HEATR4: variants seen among roughly 807,000 people sequenced by gnomAD.
The protein encoded by HEATR4 is HEAT repeat containing 4, also known as HEAT repeat-containing protein 4.
Under a neutral mutation model 108.8 loss-of-function variants are expected in HEATR4, and 95 were observed. The observed-to-expected ratio is 0.87, with a 90% confidence interval of 0.74 to 1.04. The LOEUF is 1.04. Among genes scored for constraint, HEATR4 ranks in the 50% least tolerant of loss-of-function variants. HEATR4 has a pLI of 0.00. For synonymous variants in HEATR4, 443 were observed against 459.4 expected, an observed-to-expected ratio of 0.96 and a Z score of 0.46; for missense variants, 1,152 against 1,253.8, an observed-to-expected ratio of 0.92 and a Z score of 1.23.
intron 1 of HEATR4, among the ~76,000 whole-genome samples, chr14:73,545,612 C>G (rs935968225): frequency 1.3e-5 from 1 of 74,996 alleles, no homozygotes; most frequent in Admixed American, 1.7e-4. Context: ...TTGCTCATAG[C>G]TGGCCTGGCC....
At chr14:73,617,221 A>C in the HEATR4 span, 8 of 1,614,090 alleles carry the variant, frequency 5.0e-6, no homozygotes, top group Non-Finnish European at 6.8e-6. Flanking sequence ...CTGAGTGCAG[A>C]AGAGAGGGGA....
the HEATR4 span, among the ~76,000 whole-genome samples, chr14:73,588,458 C>T: frequency 2.6e-5 from 4 of 152,208 alleles, no homozygotes; most frequent in African/African-American, 9.7e-5. Context: ...GCCTCTCCCC[C>T]TGCAGCTATG....
At chr14:73,505,507 G>A (rs557203559) in intron 10 of HEATR4, among the ~76,000 whole-genome samples, 3 of 151,392 alleles carry the variant, frequency 2.0e-5, no homozygotes, top group Non-Finnish European at 4.4e-5. Context: ...AGCAATTCTT[G>A]TGCCTCAGCC....
At chr14:73,578,580 C>G in the HEATR4 span, among the ~76,000 whole-genome samples, 5 of 151,932 alleles carry the variant, frequency 3.3e-5, no homozygotes, top group Admixed American at 2.6e-4. Context: ...TATTTTCAAC[C>G]CATGCAAGCT....
chr14:73,527,324 C>T (rs541672810), intron 2 of HEATR4: 3 of 151,458 alleles, frequency 2.0e-5, no homozygotes, highest in Non-Finnish European at 4.4e-5. Context: ...CACCAGTGAC[C>T]AATCCAGGAG....
chr14:73,560,046 A>C (rs1232540196), upstream of HEATR4, among the ~76,000 whole-genome samples: 1 of 151,970 alleles, frequency 6.6e-6, no homozygotes, highest in African/African-American at 2.4e-5. Flanking sequence ...TTACAAGGAG[A>C]CTCTTCAATC....
the HEATR4 span, among the ~76,000 whole-genome samples, chr14:73,568,835 G>T: frequency 6.6e-6 from 1 of 152,076 alleles, no homozygotes; most frequent in Non-Finnish European, 1.5e-5. Flanking sequence ...GTGGAGGATA[G>T]GCATATACAG....
the HEATR4 span, among the ~76,000 whole-genome samples, chr14:73,576,956 G>A: frequency 6.9e-6 from 1 of 144,102 alleles, no homozygotes. Context: ...TTTGAGAGAG[G>A]GTCTCACTCT....
At chr14:73,562,321 T>C (rs1373791911), upstream of HEATR4, among the ~76,000 whole-genome samples, 1 of 152,150 alleles carries the variant, frequency 6.6e-6, no homozygotes, top group African/African-American at 2.4e-5. Context: ...CTTATGCCTG[T>C]CTTTAATATC....
At chr14:73,523,455 G>A (rs1001323810) in intron 2 of HEATR4, among the ~76,000 whole-genome samples, 2 of 152,162 alleles carry the variant, frequency 1.3e-5, no homozygotes, top group Non-Finnish European at 2.9e-5. Flanking sequence ...CCTCATCTCC[G>A]TGTGAGGGAT....
rs751842684 is a variant in HEATR4 at position 73,508,176 on chromosome 14, C to T, written c.1839G>A (p.Glu613=). ...QLFTKKNEDT[E]EQSYILLSYL... is the part of the protein sequence containing the mutation. Reference sequence around the variant, plus strand: ...AGCTCAGGAGGATATAAGACTGTTCCTCAGTGTCCTCATTCTTCTTTGTAA... The same window carrying T: ...AGCTCAGGAGGATATAAGACTGTTCTTCAGTGTCCTCATTCTTCTTTGTAA... The change falls in exon 9 of 18, where the codon GAG becomes GAA. Residue 613 remains glutamate (E), a synonymous_variant. Coordinates refer to ENST00000553558, the MANE Select transcript of HEATR4 (RefSeq NM_001220484.1). The T allele has an allele frequency of 1.2e-6, 2 of 1,614,086 alleles. No individual in the cohort carries two copies. The highest frequency in any genetic ancestry group is 1.7e-6 in the Non-Finnish European group (2 of 1,179,956).
At chr14:73,580,685 G>A in the HEATR4 span, 2 of 152,098 alleles carry the variant, frequency 1.3e-5, no homozygotes, top group African/African-American at 2.4e-5. Flanking sequence ...GAGATATCTG[G>A]TCCATATCCA....
chr14:73,568,805 C>A, the HEATR4 span, among the ~76,000 whole-genome samples: 1 of 151,982 alleles, frequency 6.6e-6, no homozygotes, highest in Non-Finnish European at 1.5e-5. Flanking sequence ...GAAGCCAGCA[C>A]CCTTCGATGT....
the HEATR4 span, chr14:73,592,175 C>T: frequency 1.2e-6 from 2 of 1,605,202 alleles, no homozygotes; most frequent in Non-Finnish European, 1.7e-6. Context: ...GCGGCAGCTT[C>T]GCGGGACTCG....
the HEATR4 span, chr14:73,596,374 T>C: frequency 1.3e-5 from 2 of 152,140 alleles, no homozygotes; most frequent in East Asian, 3.9e-4. Flanking sequence ...TACACACCTG[T>C]AGTCCCAGCT....
At chr14:73,590,396 C>T in the HEATR4 span, among the ~76,000 whole-genome samples, 1 of 152,262 alleles carries the variant, frequency 6.6e-6, no homozygotes, top group Non-Finnish European at 1.5e-5. Context: ...CCACCAGACT[C>T]AGGAGTCCAG....
intron 10 of HEATR4, 60 bp downstream of exon 10, chr14:73,506,407 G>A (rs994884017): frequency 5.9e-6 from 7 of 1,179,524 alleles, no homozygotes; most frequent in African/African-American, 3.0e-5. Context: ...AAAAGTAGAA[G>A]GCCTCTGTAG....
At chr14:73,631,252 C>T in the HEATR4 span, among the ~76,000 whole-genome samples, 36,332 of 152,020 alleles carry the variant, frequency 0.24, 5,244 homozygotes, top group Non-Finnish European at 0.33. Flanking sequence ...TTTACACATG[C>T]GTTTTAATTA....
At chr14:73,614,636 A>G in the HEATR4 span, among the ~76,000 whole-genome samples, 1 of 151,670 alleles carries the variant, frequency 6.6e-6, no homozygotes, top group East Asian at 2.0e-4. Context: ...AGTCCCAGCT[A>G]CTAGGGAGGC....
Sources: gnomAD v4.1 joint callset for allele counts (sites outside exome capture counted in the v4.1 genomes callset) on GRCh38, gnomAD v4.1.1 for gene constraint, MANE v1.5 for transcripts, NCBI Gene and HGNC (gene_info 2026-07-23, HGNC 2026-07-21) for gene names.